Variants in DNAJC10 observed in about 807,000 individuals in gnomAD.
The protein encoded by DNAJC10 is endoplasmic reticulum disulfide reductase DNAJC10.
Under a neutral mutation model 115.0 loss-of-function variants are expected in DNAJC10, and 101 were observed. The observed-to-expected ratio is 0.88, with a 90% CI of 0.75 to 1.04. The LOEUF (loss-of-function observed/expected upper bound fraction) is 1.04. Among genes scored for constraint, DNAJC10 ranks in the 50% least tolerant of loss-of-function variants. The pLI, the probability that DNAJC10 is intolerant of heterozygous loss-of-function variation, is 0.00. For missense variants in DNAJC10, 981 were observed against 928.8 expected, an observed-to-expected ratio of 1.06 and a Z score of -0.73; for synonymous variants, 307 against 301.5, an observed-to-expected ratio of 1.02 and a Z score of -0.19.
rs774299471 is a variant in DNAJC10 at position 182,731,093 on chromosome 2, G to A, written c.791G>A (p.Cys264Tyr). The A allele has an allele frequency of 6.2e-7, 1 of 1,611,968 alleles. No homozygotes were observed. The highest frequency in any genetic ancestry group is 2.2e-5 in the East Asian group (1 of 44,772). ...GGTATTGGCTGGCTGATCACTTTTT[G>A]TTCAAAAGGAGGAGGTAATACTATT... The part of the protein sequence containing the change: ...AAGIGWLITF[C>Y]SKGGDCLTSQ... The change falls in exon 9 of 24, where the codon TGT (cysteine) becomes TAT (tyrosine). Residue 264 changes from cysteine to tyrosine, a missense_variant. Cys to Tyr is a radical substitution (Grantham distance 194). Coordinates refer to ENST00000264065, the MANE Select transcript of DNAJC10 (RefSeq NM_018981.4).
chr2:182,718,229 G>C lies in DNAJC10; in HGVS notation c.143G>C (p.Ser48Thr). The change falls in exon 3 of 24, where the codon AGT becomes ACT. Residue 48 changes from serine (S) to threonine (T), a missense_variant. Physicochemically the swap from Ser to Thr is moderately conservative, Grantham distance 58. Coordinates refer to ENST00000264065, the MANE Select transcript of DNAJC10 (RefSeq NM_018981.4). Reference protein sequence around the residue: ...SLLGVSKTASSREIRQAFKKL... With the variant: ...SLLGVSKTASTREIRQAFKKL... ...CTTGGAGTGTCCAAAACTGCAAGCA[G>C]TAGAGAAATAAGACAAGCTTTCAAG... The C allele has an allele frequency of 6.2e-7, 1 of 1,613,144 alleles. No individual in the cohort carries two copies. Among genetic ancestry groups the C allele is most frequent in the Non-Finnish European group, 8.5e-7 (1 of 1,179,700 alleles).
At chr2:182,767,032 C>T (rs1429225741) in intron 22 of DNAJC10, among the ~76,000 whole-genome samples, 1 of 152,042 alleles carries the variant, frequency 6.6e-6, no homozygotes, top group African/African-American at 2.4e-5. Flanking sequence ...AGAGGAGCAC[C>T]CCCGTGCTGT....
intron 16 of DNAJC10, among the ~76,000 whole-genome samples, chr2:182,753,603 GAC>G (rs1347824119): frequency 5.3e-5 from 1 of 18,900 alleles, no homozygotes; most frequent in Non-Finnish European, 1.1e-4. Context: ...TTTTTTTTGA[GAC>G]AGAGTCTTGC....
intron 23 of DNAJC10, 67 bp from the exon 24 acceptor site, chr2:182,777,054 A>G: frequency 3.8e-6 from 4 of 1,060,454 alleles, no homozygotes; most frequent in Non-Finnish European, 5.2e-6. Flanking sequence ...GTGGTATTTC[A>G]CCTTATTTTT....
At chr2:182,763,949 TAAC>T (rs2105691570) in intron 22 of DNAJC10, among the ~76,000 whole-genome samples, 1 of 152,302 alleles carries the variant, frequency 6.6e-6, no homozygotes, top group Non-Finnish European at 1.5e-5. Context: ...TGTTGGGGTT[TAAC>T]CAATGAAAAC....
rs538106008 is a variant in DNAJC10, at chr2:182,783,980, T to C, written c.*6848T>C. On this transcript the variant is annotated 3_prime_UTR_variant, in exon 24 of 24. Transcript: ENST00000264065. ...TCCTATCAAGTTAATTTGTAATAAA[T>C]TCAAGATGCAAAAAGAAAACCTATT... The C allele has an allele frequency of 6.6e-6, 1 of 152,296 alleles. No homozygotes were observed. Among genetic ancestry groups the C allele is most frequent in the African/African-American group, 2.4e-5 (1 of 41,566 alleles). The allele number at this position is 152,296 out of a possible 1,614,324, so 9.4% of individuals were successfully genotyped here.
intron 11 of DNAJC10, among the ~76,000 whole-genome samples, 162 bp downstream of exon 11, chr2:182,736,548 A>G (rs1693589735): frequency 6.6e-6 from 1 of 152,308 alleles, no homozygotes; most frequent in East Asian, 1.9e-4. Context: ...GATTCTTTTT[A>G]ATACATGCTT....
Position 182,777,732 on chromosome 2 carries a change from C to G in DNAJC10, c.*600C>G, listed in dbSNP as rs1437726652. 6.6e-6 allele frequency: 1 copy of G among 152,028 alleles called. No homozygotes were observed. The highest frequency in any genetic ancestry group is 1.5e-5 in the Non-Finnish European group (1 of 67,996). The allele number at this position is 152,028 out of a possible 1,614,324, so 9.4% of individuals were successfully genotyped here. A position where few individuals can be genotyped will look rare whatever the true frequency, so the allele number is the denominator to read the frequency against. On this transcript the variant is annotated 3_prime_UTR_variant, in exon 24 of 24. Transcript: ENST00000264065. Reference sequence around the variant, plus strand: ...CCATGATGTGGCACAGTAAACAAACCCTGTTATGCTGTATTATTATGAGGA... The same window carrying G: ...CCATGATGTGGCACAGTAAACAAACGCTGTTATGCTGTATTATTATGAGGA...
intron 14 of DNAJC10, among the ~76,000 whole-genome samples, chr2:182,745,671 C>A (rs562306282): frequency 4.0e-5 from 6 of 150,876 alleles, no homozygotes; most frequent in Admixed American, 6.6e-5. Context: ...GGAAAACAGA[C>A]AAGTAAACTA....
At chr2:182,746,953 A>G (rs1693883934) in intron 14 of DNAJC10, among the ~76,000 whole-genome samples, 1 of 151,524 alleles carries the variant, frequency 6.6e-6, no homozygotes, top group Non-Finnish European at 1.5e-5. Flanking sequence ...ACATATGGCT[A>G]GCCAGTTTTC....
At chr2:182,774,734 G>GT (rs1694658544) in intron 22 of DNAJC10, among the ~76,000 whole-genome samples, 1 of 152,218 alleles carries the variant, frequency 6.6e-6, no homozygotes, top group Non-Finnish European at 1.5e-5. Context: ...AGAGTGTCCC[G>GT]TTTTTTCAGG....
At chr2:182,739,088 G>A (rs538315786) in intron 11 of DNAJC10, among the ~76,000 whole-genome samples, 4 of 151,128 alleles carry the variant, frequency 2.6e-5, no homozygotes, top group South Asian at 4.2e-4. Flanking sequence ...GAACTGAGGC[G>A]TGAAAGATTT....
intron 16 of DNAJC10, 166 bp from the exon 17 acceptor site, chr2:182,754,837 C>CTTAT: frequency 7.3e-7 from 1 of 1,369,254 alleles, no homozygotes; most frequent in Non-Finnish European, 9.6e-7. Flanking sequence ...TATTCATCAC[C>CTTAT]ATAAGTCCTT....
rs1367734721 is a variant in DNAJC10 at position 182,792,876 on chromosome 2, G to A, written c.*15744G>A. ...AGTGTATTAAATGTATTGACCTCAT[G>A]AAGATTCTATTCTCGCAGTGGGGAG... On this transcript the variant is annotated 3_prime_UTR_variant, in exon 24 of 24. Transcript: ENST00000264065. 6.6e-6 allele frequency: 1 copy of A among 152,148 alleles called. No homozygotes were observed. The highest frequency in any genetic ancestry group is 1.5e-5 in the Non-Finnish European group (1 of 68,026). 9.4% of individuals were successfully genotyped at this position (152,148 alleles called of 1,614,324 possible). A position where few individuals can be genotyped will look rare whatever the true frequency, so the allele number is the denominator to read the frequency against.
At chr2:182,755,377 C>T (rs1487944125) in intron 17 of DNAJC10, among the ~76,000 whole-genome samples, 1 of 150,410 alleles carries the variant, frequency 6.6e-6, no homozygotes, top group Non-Finnish European at 1.5e-5. Context: ...AATGTATTTT[C>T]ACCTTGTCAC....
chr2:182,729,819 G>T (rs1381210218), intron 7 of DNAJC10, 29 bp from the exon 8 acceptor site: 1 of 1,423,642 alleles, frequency 7.0e-7, no homozygotes, highest in East Asian at 2.3e-5. Context: ...AAAAGTAAAA[G>T]ATGTTTCTCT....
chr2:182,730,452 A>G, intron 8 of DNAJC10: 1 of 385,420 alleles, frequency 2.6e-6, no homozygotes, highest in South Asian at 2.0e-5. Flanking sequence ...AATAAAATAT[A>G]TAGTCCCTGC....
In DNAJC10 at chr2:182,772,312, A is replaced by G. The variant is rs575881158; in HGVS notation, c.2266-3004A>G. On this transcript the variant is annotated intron_variant, in intron 22 of 23. Coordinates refer to ENST00000264065, the MANE Select transcript of DNAJC10 (RefSeq NM_018981.4). Reference sequence around the variant, plus strand: ...TATATTCTGTTGATTTGGGGTGGAGAGTTCTGTGGTTGTCTATTAGGTCTG... The same window carrying G: ...TATATTCTGTTGATTTGGGGTGGAGGGTTCTGTGGTTGTCTATTAGGTCTG... 3.3e-5 allele frequency among the ~76,000 whole-genome samples: 5 copies of G among 152,174 alleles called. No individual in the cohort carries two copies. The South Asian group carries it at 8.3e-4, about 25-fold the overall frequency.
At chr2:182,723,688 A>G (rs868379168) in intron 5 of DNAJC10, among the ~76,000 whole-genome samples, 16 of 152,194 alleles carry the variant, frequency 1.1e-4, no homozygotes, top group Admixed American at 5.9e-4. Context: ...GGAATTACAG[A>G]TAGAGGAACT....
Sources: allele counts gnomAD v4.1 joint callset (sites outside exome capture counted in the v4.1 genomes callset), GRCh38; gene constraint gnomAD v4.1.1; transcripts MANE v1.5; gene names NCBI Gene and HGNC (gene_info 2026-07-23, HGNC 2026-07-21).